EVC2: variants seen among roughly 807,000 people sequenced by gnomAD.
EVC2 encodes limbin.
A neutral mutation model predicts 149.3 loss-of-function variants in EVC2; 148 were observed. The ratio of observed to expected loss-of-function variants is 0.99; its 90% CI spans 0.87 to 1.14. The LOEUF (loss-of-function observed/expected upper bound fraction) is 1.14, where lower values mean the gene tolerates loss of function less well. Among genes scored for constraint, EVC2 ranks in the 50% most tolerant of loss-of-function variants. The pLI is 0.00. For missense variants in EVC2, 1,854 were observed against 1,627.3 expected, an observed-to-expected ratio of 1.14 and a Z score of -2.40; for synonymous variants, 776 against 649.9, an observed-to-expected ratio of 1.19 and a Z score of -2.95.
rs199855741 is a variant in EVC2, at chr4:5,706,421, G to C, written c.228+1865C>G. 2.0e-3 allele frequency among the ~76,000 whole-genome samples: 181 copies of C among 89,354 alleles called. 21 individuals carry two copies. The highest frequency in any genetic ancestry group is 2.4e-3 in the East Asian group (8 of 3,344). The allele number at this position is 89,354 out of a possible 152,430, so 58.6% of individuals were successfully genotyped here. The stretch of plus-strand genomic sequence containing the variant: ...AGATAGATAGATAGATACATAGATA[G>C]ATAGATACATAGATAGATAGATAGA... On this transcript the variant is annotated intron_variant, in intron 1 of 21. Transcript: ENST00000344408.
intron 17 of EVC2, among the ~76,000 whole-genome samples, chr4:5,578,221 T>C (rs928268292): frequency 1.5e-4 from 19 of 123,588 alleles, no homozygotes; most frequent in African/African-American, 5.8e-4. Flanking sequence ...AGGAGCATCG[T>C]TGACATGTTC....
chr4:5,643,469 C>G (rs1193248839), intron 9 of EVC2, among the ~76,000 whole-genome samples: 1 of 152,212 alleles, frequency 6.6e-6, no homozygotes, highest in Non-Finnish European at 1.5e-5. Context: ...TCTTCATTTC[C>G]TTACGTGGGC....
chr4:5,608,841 T>C (rs140937634), intron 16 of EVC2, among the ~76,000 whole-genome samples: 1 of 152,284 alleles, frequency 6.6e-6, no homozygotes, highest in Non-Finnish European at 1.5e-5. Flanking sequence ...CTGGAAGAGA[T>C]GAGTATCTGA....
At chr4:5,534,574 A>G in the EVC2 span, among the ~76,000 whole-genome samples, 2 of 152,184 alleles carry the variant, frequency 1.3e-5, no homozygotes, top group African/African-American at 4.8e-5. Flanking sequence ...ATTTCCTGTG[A>G]CCTTGTTACG....
intron 9 of EVC2, among the ~76,000 whole-genome samples, chr4:5,656,457 G>C (rs1049262439): frequency 6.6e-6 from 1 of 152,188 alleles, no homozygotes. Context: ...GACCTTCGAA[G>C]GGAAAAGGGC....
intron 19 of EVC2, among the ~76,000 whole-genome samples, chr4:5,571,863 GGCTGGCCTCAGCCATCAGCTGA>G (rs1168119646): frequency 6.6e-6 from 1 of 152,188 alleles, no homozygotes; most frequent in African/African-American, 2.4e-5. Context: ...GTCATAATGT[GGCTGGCCTCAGCCATCAGCTGA>G]AGGCCTGGAG....
intron 7 of EVC2, among the ~76,000 whole-genome samples, chr4:5,672,605 C>A (rs753751011): frequency 1.1e-4 from 17 of 152,228 alleles, no homozygotes; most frequent in Non-Finnish European, 2.5e-4. Context: ...GGCTGGGTCT[C>A]CCCAGCTCTG....
chr4:5,704,597 G>A (rs1722022036), intron 1 of EVC2, among the ~76,000 whole-genome samples: 1 of 152,144 alleles, frequency 6.6e-6, no homozygotes, highest in South Asian at 2.1e-4. Context: ...GAAGGAAGAA[G>A]AGAACCCAGC....
At chr4:5,594,812 A>G (rs2108801745) in intron 16 of EVC2, among the ~76,000 whole-genome samples, 1 of 152,304 alleles carries the variant, frequency 6.6e-6, no homozygotes, top group Admixed American at 6.5e-5. Flanking sequence ...AAAGAAGTTG[A>G]AAACTTTGAA....
intron 3 of EVC2, among the ~76,000 whole-genome samples, chr4:5,692,725 G>T (rs2151735089): frequency 6.6e-6 from 1 of 150,822 alleles, no homozygotes; most frequent in Admixed American, 6.6e-5. Context: ...AAATTAGCCG[G>T]GCGCGGTGGC....
chr4:5,701,739 G>C (rs1165977556), intron 1 of EVC2, among the ~76,000 whole-genome samples: 2 of 152,196 alleles, frequency 1.3e-5, no homozygotes, highest in Non-Finnish European at 2.9e-5. Flanking sequence ...CTCAACAGCA[G>C]TGATTTCCAA....
chr4:5,587,269 A>T (rs1290847063), intron 16 of EVC2, among the ~76,000 whole-genome samples: 1 of 152,140 alleles, frequency 6.6e-6, no homozygotes, highest in Non-Finnish European at 1.5e-5. Context: ...ATTATTCCCC[A>T]GTCCTCCCAC....
chr4:5,565,318 C>A lies in EVC2; in HGVS notation c.3599G>T (p.Arg1200Leu). ...TAATCCTCTGCTTATCAGATCTCCTCGCAGTTTGCCATCTAAGGCTTGCCA... is the reference window on the plus strand; with the variant it reads ...TAATCCTCTGCTTATCAGATCTCCTAGCAGTTTGCCATCTAAGGCTTGCCA... ...SWWQALDGKL[R>L]GDLISRGLEK... Residue 1200 changes from arginine (R) to leucine (L), a missense_variant, in exon 21 of 22, where the codon CGA (arginine) becomes CTA (leucine). Physicochemically the swap from Arg to Leu is moderately radical, Grantham distance 102. Transcript: ENST00000344408. 6.2e-7 allele frequency: 1 copy of A among 1,614,082 alleles called. No homozygotes were observed. Among genetic ancestry groups the A allele is most frequent in the Non-Finnish European group, 8.5e-7 (1 of 1,180,016 alleles).
intron 16 of EVC2, 87 bp from the exon 17 acceptor site, chr4:5,584,937 G>C: frequency 7.0e-7 from 1 of 1,432,244 alleles, no homozygotes; most frequent in Non-Finnish European, 9.7e-7. Context: ...AGAGTTCACA[G>C]ACCTGGGATT....
intron 2 of EVC2, among the ~76,000 whole-genome samples, 197 bp downstream of exon 2, chr4:5,697,396 T>C (rs535049847): frequency 6.6e-6 from 1 of 152,320 alleles, no homozygotes; most frequent in Non-Finnish European, 1.5e-5. Context: ...GGTTCCACTG[T>C]GCACTAACGC....
rs1324017693 is a variant in EVC2 at position 5,633,563 on chromosome 4, T to C, written c.1471-1531A>G. ...CTGAAACCACTCAAGGCAGTGACAGTGGAGCTTGTTGGTGAAGCGAAGGCA... is the reference window on the plus strand; with the variant it reads ...CTGAAACCACTCAAGGCAGTGACAGCGGAGCTTGTTGGTGAAGCGAAGGCA... On this transcript the variant is annotated intron_variant, in intron 10 of 21. Coordinates refer to ENST00000344408, the MANE Select transcript of EVC2 (RefSeq NM_147127.5). This position sits in a 1 kb window ranked among gnomAD's most constrained non-coding sequence, Gnocchi z 4.4. Among the ~76,000 whole-genome samples the C allele has an allele frequency of 1.3e-5, 2 of 152,220 alleles. No individual in the cohort carries two copies. Among genetic ancestry groups the C allele is most frequent in the African/African-American group, 4.8e-5 (2 of 41,466 alleles).
At position 5,628,711 on chromosome 4, in the gene EVC2, G is replaced by A; in HGVS notation, c.1734C>T (p.Asp578=). ...KIQENVEELM[D]FFQASKRYHL... Reference sequence around the variant, plus strand: ...GATACCTCTTACTAGCCTGGAAAAAGTCCATTAACTCTTCTACATTCTCCT... The same window carrying A: ...GATACCTCTTACTAGCCTGGAAAAAATCCATTAACTCTTCTACATTCTCCT... Residue 578 remains aspartate, a synonymous_variant, in exon 12 of 22, where the codon GAC becomes GAT. Coordinates refer to ENST00000344408, the MANE Select transcript of EVC2 (RefSeq NM_147127.5). The A allele has an allele frequency of 1.2e-6, 2 of 1,611,780 alleles. No homozygotes were observed. Among genetic ancestry groups the A allele is most frequent in the South Asian group, 1.1e-5 (1 of 91,010 alleles).
chr4:5,543,195 C>T (rs1187149852), exon 22 of EVC2: 2 of 1,289,830 alleles, frequency 1.6e-6, no homozygotes, highest in South Asian at 2.5e-5. Context: ...CTGCCAGAAG[C>T]TCTCTTGGTT....
intron 12 of EVC2, among the ~76,000 whole-genome samples, chr4:5,626,833 T>A (rs1468888191): frequency 6.6e-6 from 1 of 152,050 alleles, no homozygotes. Context: ...CAGTGGGACC[T>A]CTCATCTCAT....
Sources: allele counts gnomAD v4.1 joint callset (sites outside exome capture counted in the v4.1 genomes callset), GRCh38; gene constraint gnomAD v4.1.1; non-coding constraint Gnocchi (gnomAD v3.1); transcripts MANE v1.5; gene names NCBI Gene and HGNC (gene_info 2026-07-23, HGNC 2026-07-21).